Variants in TMPRSS2 observed in about 807,000 individuals in gnomAD.
TMPRSS2 encodes transmembrane serine protease 2.
In TMPRSS2, 59 loss-of-function variants were observed where a neutral mutation model predicts 67.4. The ratio of observed to expected loss-of-function variants is 0.88; its 90% CI spans 0.71 to 1.09. TMPRSS2 has a LOEUF of 1.09. Among genes scored for constraint, TMPRSS2 ranks in the 50% least tolerant of loss-of-function variants. The probability of loss-of-function intolerance (pLI) is 0.00; values close to 1 mark genes in which losing one functional copy is unlikely to be tolerated. For synonymous variants in TMPRSS2, 257 were observed against 257.0 expected, an observed-to-expected ratio of 1.00 and a Z score of 0.00; for missense variants, 668 against 642.7, an observed-to-expected ratio of 1.04 and a Z score of -0.43.
chr21:41,496,525 C>G (rs992252091), intron 2 of TMPRSS2, among the ~76,000 whole-genome samples: 15 of 152,350 alleles, frequency 9.8e-5, no homozygotes, highest in African/African-American at 3.4e-4. Context: ...GTGAAAGGAA[C>G]TGCCTAGAAG....
intron 10 of TMPRSS2, among the ~76,000 whole-genome samples, 185 bp from the exon 11 acceptor site, chr21:41,470,928 G>A (rs1263727390): frequency 6.6e-6 from 1 of 152,140 alleles, no homozygotes; most frequent in African/African-American, 2.4e-5. Flanking sequence ...CAGGCAAGAC[G>A]TTATGCTACT....
chr21:41,481,944 C>T (rs2091260321), intron 5 of TMPRSS2, among the ~76,000 whole-genome samples: 1 of 152,030 alleles, frequency 6.6e-6, no homozygotes, highest in Admixed American at 6.6e-5. Context: ...ATCTGTAATC[C>T]CACCTACTTG....
intron 3 of TMPRSS2, among the ~76,000 whole-genome samples, chr21:41,491,427 G>T (rs2091335323): frequency 6.6e-6 from 1 of 152,118 alleles, no homozygotes; most frequent in Non-Finnish European, 1.5e-5. Context: ...GATTACAGGT[G>T]TGAGCCACTG....
intron 5 of TMPRSS2, among the ~76,000 whole-genome samples, chr21:41,485,084 G>A (rs1480854952): frequency 1.4e-4 from 6 of 41,506 alleles, no homozygotes; most frequent in African/African-American, 5.6e-4. Flanking sequence ...AGTGATGCGT[G>A]TGTGTGTGTG....
chr21:41,504,393 C>T (rs939294723), intron 1 of TMPRSS2, among the ~76,000 whole-genome samples: 3 of 152,226 alleles, frequency 2.0e-5, no homozygotes, highest in African/African-American at 7.2e-5. Flanking sequence ...AGCCTGTCTT[C>T]GAGTTTCCTG....
intron 5 of TMPRSS2, among the ~76,000 whole-genome samples, chr21:41,482,704 T>C (rs2091265447): frequency 6.6e-6 from 1 of 152,198 alleles, no homozygotes; most frequent in African/African-American, 2.4e-5. Flanking sequence ...ACAGGTTACA[T>C]GAATGGATAA....
rs2091075770 is a variant in TMPRSS2, at chr21:41,465,440, A to G, written c.*702T>C. On this transcript the variant is annotated 3_prime_UTR_variant, in exon 14 of 14. Transcript: ENST00000332149. ...AGGAGGAAGGCTGAGTCTCCCTCCCAGGAGCCCCACCCAATGTGCAGGTGG... is the reference window on the plus strand; with the variant it reads ...AGGAGGAAGGCTGAGTCTCCCTCCCGGGAGCCCCACCCAATGTGCAGGTGG... 1 of 233,426 alleles carries G rather than the reference A, an allele frequency of 4.3e-6. No homozygotes were observed. Among genetic ancestry groups the G allele is most frequent in the Non-Finnish European group, 8.5e-6 (1 of 118,148 alleles). The allele number at this position is 233,426 out of a possible 1,614,324, so 14.5% of individuals were successfully genotyped here. A position where few individuals can be genotyped will look rare whatever the true frequency, so the allele number is the denominator to read the frequency against.
At chr21:41,506,963 T>C (rs556381293) in intron 1 of TMPRSS2, among the ~76,000 whole-genome samples, 130 of 152,234 alleles carry the variant, frequency 8.5e-4, no homozygotes, top group African/African-American at 3.0e-3. Flanking sequence ...CCCTGGGTGC[T>C]CCCTGCCCAC....
At chr21:41,504,553 T>A (rs2091444812) in intron 1 of TMPRSS2, among the ~76,000 whole-genome samples, 1 of 152,212 alleles carries the variant, frequency 6.6e-6, no homozygotes, top group South Asian at 2.1e-4. Context: ...AAGTCCCAGA[T>A]CAGGCTCTGC....
In TMPRSS2 at chr21:41,489,680, C is replaced by T. The variant is rs959620019; in HGVS notation, c.239-87G>A. 4 of 796,382 alleles carry T rather than the reference C, an allele frequency of 5.0e-6. No homozygotes were observed. In the African/African-American group the frequency reaches 7.0e-5, roughly 14 times the overall value. The allele number at this position is 796,382 out of a possible 1,614,324, so 49.3% of individuals were successfully genotyped here. On this transcript the variant is annotated intron_variant, in intron 3 of 13. Transcript: ENST00000332149. ...TGTTATCTATTATTTTTATAGTACA[C>T]CACATTAAGAAATAATTATTTCATA...
At chr21:41,498,041 A>AC in intron 2 of TMPRSS2, 78 bp downstream of exon 2, 1 of 1,134,268 alleles carries the variant, frequency 8.8e-7, no homozygotes. Context: ...GCAATTGCTG[A>AC]CCCCAAACAA....
In TMPRSS2 at chr21:41,467,842, C is replaced by A; in HGVS notation, c.1359G>T (p.Trp453Cys). The A allele has an allele frequency of 6.2e-7, 1 of 1,614,232 alleles. No homozygotes were observed. The highest frequency in any genetic ancestry group is 8.5e-7 in the Non-Finnish European group (1 of 1,180,050). The change falls in exon 13 of 14, where the codon TGG becomes TGT. Residue 453 changes from tryptophan to cysteine, a missense_variant. Trp to Cys is a radical substitution (Grantham distance 215). Coordinates refer to ENST00000332149, the MANE Select transcript of TMPRSS2 (RefSeq NM_005656.4). ...CCCAGCTTGTATCCCCTATCAGCCACCAGATATTGTTCTTCGAAGTGACCA... is the reference window on the plus strand; with the variant it reads ...CCCAGCTTGTATCCCCTATCAGCCAACAGATATTGTTCTTCGAAGTGACCA... ...GPLVTSKNNI[W>C]WLIGDTSWGS...
chr21:41,473,608 CCA>C, intron 8 of TMPRSS2, 112 bp from the exon 9 acceptor site: 4 of 1,233,784 alleles, frequency 3.2e-6, no homozygotes, highest in Non-Finnish European at 3.4e-6. Flanking sequence ...GGCAGGGGCA[CCA>C]CTGCTGGGGA....
At chr21:41,505,065 A>G (rs996724858) in intron 1 of TMPRSS2, among the ~76,000 whole-genome samples, 17 of 151,940 alleles carry the variant, frequency 1.1e-4, no homozygotes, top group Admixed American at 3.9e-4. Flanking sequence ...CCCCACAGGG[A>G]GCTCTCCCTG....
intron 5 of TMPRSS2, among the ~76,000 whole-genome samples, chr21:41,481,895 C>G (rs2091260002): frequency 6.6e-6 from 1 of 152,022 alleles, no homozygotes; most frequent in African/African-American, 2.4e-5. Context: ...AAACCGATCT[C>G]TACTAAAATG....
At chr21:41,469,936 A>G (rs1339137702) in intron 11 of TMPRSS2, among the ~76,000 whole-genome samples, 2 of 152,098 alleles carry the variant, frequency 1.3e-5, no homozygotes, top group Non-Finnish European at 2.9e-5. Flanking sequence ...GCTCTACTGT[A>G]GTAAGTTTCT....
intron 1 of TMPRSS2, among the ~76,000 whole-genome samples, chr21:41,500,238 T>G (rs910271674): frequency 1.6e-4 from 24 of 152,240 alleles, no homozygotes; most frequent in African/African-American, 5.8e-4. Flanking sequence ...TCCAGGGCAT[T>G]CCATGAGTTA....
At chr21:41,477,488 T>G (rs2091223649) in intron 7 of TMPRSS2, among the ~76,000 whole-genome samples, 1 of 152,088 alleles carries the variant, frequency 6.6e-6, no homozygotes, top group South Asian at 2.1e-4. Context: ...TAAAGCAGCC[T>G]CACAGAATTA....
chr21:41,476,609 G>A lies in TMPRSS2; in HGVS notation c.695C>T (p.Ser232Phe), dbSNP rs547544037. ...YKKLYHSDAC[S>F]SKAVVSLRCI... ...GCGTAAAGAAACCACTGCTTTTGAA[G>A]AACAGGCATCACTGCAAAAAGAACA... Residue 232 changes from serine to phenylalanine, a missense_variant, in exon 8 of 14, where the codon TCT (serine) becomes TTT (phenylalanine). Transcript: ENST00000332149. The A allele has an allele frequency of 3.1e-5, 50 of 1,588,448 alleles. No homozygotes were observed. In the South Asian group the frequency reaches 5.1e-4, roughly 16 times the overall value.
Sources: allele counts gnomAD v4.1 joint callset (sites outside exome capture counted in the v4.1 genomes callset), GRCh38; gene constraint gnomAD v4.1.1; transcripts MANE v1.5; gene names NCBI Gene and HGNC (gene_info 2026-07-23, HGNC 2026-07-21).